The following AKAP13 variants were observed in gnomAD, a reference collection of about 807,000 sequenced individuals.
AKAP13 encodes A-kinase anchoring protein 13.
Under a neutral mutation model 264.5 loss-of-function variants are expected in AKAP13, and 80 were observed. That is an observed-to-expected ratio of 0.30 (90% confidence interval 0.25 to 0.36). AKAP13 has a LOEUF of 0.36. AKAP13 is among the 10% of genes least tolerant of loss of function. The pLI is 1.00. For missense variants in AKAP13, 3,712 were observed against 3,435.2 expected, an observed-to-expected ratio of 1.08 and a Z score of -2.01; for synonymous variants, 1,380 against 1,250.2, an observed-to-expected ratio of 1.10 and a Z score of -2.19.
chr15:85,596,086 T>G (rs919971562), intron 8 of AKAP13, among the ~76,000 whole-genome samples: 1 of 152,202 alleles, frequency 6.6e-6, no homozygotes, highest in African/African-American at 2.4e-5. Context: ...GACAGTGTCT[T>G]AAGTGTACAT....
chr15:85,397,295 C>G (rs1216351387), intron 1 of AKAP13, among the ~76,000 whole-genome samples: 1 of 152,154 alleles, frequency 6.6e-6, no homozygotes, highest in Admixed American at 6.5e-5. Flanking sequence ...AAATACTCCT[C>G]TTTCACCCCC....
intron 2 of AKAP13, among the ~76,000 whole-genome samples, chr15:85,505,229 C>T (rs528462015): frequency 6.6e-6 from 1 of 152,198 alleles, no homozygotes; most frequent in East Asian, 1.9e-4. Context: ...TAAAACTACT[C>T]CATAGACACA....
chr15:85,462,036 A>T (rs2074539603), intron 1 of AKAP13, among the ~76,000 whole-genome samples: 1 of 152,228 alleles, frequency 6.6e-6, no homozygotes, highest in Non-Finnish European at 1.5e-5. Context: ...ATAAACCTGG[A>T]TAAAGTACAA....
intron 8 of AKAP13, among the ~76,000 whole-genome samples, chr15:85,605,116 C>T (rs1266111793): frequency 6.6e-5 from 6 of 91,238 alleles, no homozygotes; most frequent in Non-Finnish European, 1.0e-4. Flanking sequence ...CGACAGTCAG[C>T]GCTTTGCAGG....
In AKAP13 at chr15:85,518,537, C is replaced by A. The variant is rs539970330; in HGVS notation, c.34-2891C>A. Among the ~76,000 whole-genome samples, 23 of 152,202 alleles carry A rather than the reference C, an allele frequency of 1.5e-4. 1 individual carries two copies. In the South Asian group the frequency reaches 4.4e-3, roughly 29 times the overall value. Reference sequence around the variant, plus strand: ...AAAAACAAACAAACAAACAAAACAACAAAAAAACTACAGACCAGGTGCAGT... The same window carrying A: ...AAAAACAAACAAACAAACAAAACAAAAAAAAAACTACAGACCAGGTGCAGT... On this transcript the variant is annotated intron_variant, in intron 2 of 36. Transcript: ENST00000394518.
At chr15:85,441,300 T>C (rs1324436380) in intron 1 of AKAP13, among the ~76,000 whole-genome samples, 1 of 152,226 alleles carries the variant, frequency 6.6e-6, no homozygotes, top group Non-Finnish European at 1.5e-5. Context: ...GTTTATTTTC[T>C]TTGGTCAAGT....
chr15:85,729,823 C>T (rs1314503818), intron 29 of AKAP13, among the ~76,000 whole-genome samples: 1 of 152,198 alleles, frequency 6.6e-6, no homozygotes, highest in Non-Finnish European at 1.5e-5. Context: ...GTAATCCCAG[C>T]TCCTTAGGAG....
At chr15:85,555,034 C>T (rs567069426) in intron 5 of AKAP13, among the ~76,000 whole-genome samples, 4 of 151,808 alleles carry the variant, frequency 2.6e-5, no homozygotes, top group African/African-American at 7.3e-5. Context: ...TTCCCTCCCC[C>T]CCAAAAAAAG....
At chr15:85,742,084 G>A (rs757426595) in intron 35 of AKAP13, among the ~76,000 whole-genome samples, 77 of 152,188 alleles carry the variant, frequency 5.1e-4, no homozygotes, top group Non-Finnish European at 1.0e-3. Flanking sequence ...TACCCCGAAA[G>A]AGAGGCAGAG....
intron 2 of AKAP13, among the ~76,000 whole-genome samples, chr15:85,491,092 G>A (rs761307700): frequency 1.6e-4 from 24 of 152,146 alleles, no homozygotes; most frequent in Non-Finnish European, 3.1e-4. Flanking sequence ...ATGAGTGCAA[G>A]GGGAAGGGGT....
intron 8 of AKAP13, among the ~76,000 whole-genome samples, chr15:85,611,510 C>T (rs1156861118): frequency 6.6e-6 from 1 of 151,048 alleles, no homozygotes; most frequent in Non-Finnish European, 1.5e-5. Context: ...TTTGGACTCT[C>T]GGTTTCTTTT....
At chr15:85,606,562 T>C (rs1054145771) in intron 8 of AKAP13, among the ~76,000 whole-genome samples, 16 of 152,192 alleles carry the variant, frequency 1.1e-4, no homozygotes, top group African/African-American at 3.6e-4. Context: ...CCTACTTAAC[T>C]GTGATAATTG....
At position 85,581,847 on chromosome 15, in the gene AKAP13, T is replaced by G. The variant is rs1262643869; in HGVS notation, c.3779T>G (p.Ile1260Ser). 4.3e-6 allele frequency: 7 copies of G among 1,614,064 alleles called. No individual in the cohort carries two copies. Among genetic ancestry groups the G allele is most frequent in the Non-Finnish European group, 5.9e-6 (7 of 1,180,030 alleles). The stretch of plus-strand genomic sequence containing the variant: ...GCCAGCCGTATAGTGGATGCTGTCA[T>G]CGAACAAGTCAAGGCCGCTGGAGCA... ...EAASRIVDAV[I>S]EQVKAAGALL... Residue 1260 changes from isoleucine (I) to serine (S), a missense_variant, in exon 7 of 37, where the codon ATC becomes AGC. By Grantham distance (142) the Ile-to-Ser change is moderately radical. Around this residue, in one of 3 missense-constraint regions of AKAP13, gnomAD observed 2,759 missense variants for 2,411.7 expected, o/e 1.14. Coordinates refer to ENST00000394518, the MANE Select transcript of AKAP13 (RefSeq NM_007200.5).
chr15:85,523,770 A>G (rs1407039811), intron 3 of AKAP13, among the ~76,000 whole-genome samples: 1 of 152,138 alleles, frequency 6.6e-6, no homozygotes, highest in Non-Finnish European at 1.5e-5. Flanking sequence ...ATGTATGTGA[A>G]TACACCCACA....
At chr15:85,669,674 T>C (rs1368079179) in intron 13 of AKAP13, 48 bp from the exon 14 acceptor site, 1 of 1,346,712 alleles carries the variant, frequency 7.4e-7, no homozygotes, top group Non-Finnish European at 1.1e-6. Flanking sequence ...TATCTAGAAA[T>C]ATGAGAGTAT....
chr15:85,622,346 A>C (rs995418542), intron 8 of AKAP13, among the ~76,000 whole-genome samples: 13 of 152,198 alleles, frequency 8.5e-5, no homozygotes, highest in African/African-American at 3.1e-4. Flanking sequence ...AGCTATGCTA[A>C]GGAAGAGCTC....
chr15:85,622,634 G>A (rs945320631), intron 8 of AKAP13, among the ~76,000 whole-genome samples: 4 of 152,216 alleles, frequency 2.6e-5, no homozygotes, highest in African/African-American at 9.7e-5. Context: ...GAAGTGGGAA[G>A]AAGTGAATGG....
rs1162677878 is a variant in AKAP13 at position 85,693,312 on chromosome 15, G to A, written c.5325G>A (p.Lys1775=). Residue 1775 remains lysine (K), a synonymous_variant, in exon 17 of 37, where the codon AAG becomes AAA. Transcript: ENST00000394518. ...AAGAAAAAGATAAGATTAAGGAGAA[G>A]GAGAAAGATTCTAAAGACAAGGAGA... ...KEKEKDKIKE[K]EKDSKDKEKD... The A allele has an allele frequency of 6.2e-7, 1 of 1,607,284 alleles. No homozygotes were observed. The highest frequency in any genetic ancestry group is 1.1e-5 in the South Asian group (1 of 89,278).
In AKAP13 at chr15:85,560,144, A is replaced by C. The variant is rs961566450; in HGVS notation, c.663-14987A>C. Among the ~76,000 whole-genome samples, 40 of 151,186 alleles carry C rather than the reference A, an allele frequency of 2.6e-4. No individual in the cohort carries two copies. The East Asian group carries it at 6.2e-3, about 23-fold the overall frequency. On this transcript the variant is annotated intron_variant, in intron 5 of 36. Transcript: ENST00000394518. Reference sequence around the variant, plus strand: ...GTCTCCACCTAAAAAAAAAAAAAAAAAAAAAAAAAAAAACAGTAAAAATAA... The same window carrying C: ...GTCTCCACCTAAAAAAAAAAAAAAACAAAAAAAAAAAAACAGTAAAAATAA...
Sources: allele counts gnomAD v4.1 joint callset (sites outside exome capture counted in the v4.1 genomes callset), GRCh38; gene constraint gnomAD v4.1.1; regional missense constraint gnomAD v4.1.1; transcripts MANE v1.5; gene names NCBI Gene and HGNC (gene_info 2026-07-23, HGNC 2026-07-21).